The following NRXN3 variants were observed in gnomAD, a reference collection of about 807,000 sequenced individuals.
NRXN3 encodes neurexin III.
In NRXN3, 32 loss-of-function variants were observed where a neutral mutation model predicts 137.6. The ratio of observed to expected loss-of-function variants is 0.23; its 90% CI spans 0.18 to 0.31. The LOEUF is 0.31. NRXN3 is among the 10% of genes least tolerant of loss of function. The pLI is 1.00. For missense variants in NRXN3, 1,574 were observed against 2,062.5 expected, an observed-to-expected ratio of 0.76 and a Z score of 4.59; for synonymous variants, 798 against 784.5, an observed-to-expected ratio of 1.02 and a Z score of -0.29.
At chr14:79,770,935 A>C (rs2099075729) in intron 19 of NRXN3, among the ~76,000 whole-genome samples, 2 of 152,204 alleles carry the variant, frequency 1.3e-5, no homozygotes, top group African/African-American at 4.8e-5. Flanking sequence ...AAAAATGATA[A>C]AGAAGATATC....
intron 15 of NRXN3, among the ~76,000 whole-genome samples, chr14:79,016,283 G>A (rs1311627960): frequency 6.6e-6 from 1 of 152,074 alleles, no homozygotes; most frequent in African/African-American, 2.4e-5. Context: ...TTTGTTTTTG[G>A]TTTGGTTTAG....
At chr14:78,987,895 G>C in intron 14 of NRXN3, 127 bp from the exon 15 acceptor site, 1 of 988,318 alleles carries the variant, frequency 1.0e-6, no homozygotes, top group Non-Finnish European at 1.5e-6. Flanking sequence ...TGACAATTTT[G>C]GTGGTGTGTC....
intron 15 of NRXN3, among the ~76,000 whole-genome samples, chr14:79,309,783 G>C (rs1317134140): frequency 3.4e-5 from 5 of 149,078 alleles, no homozygotes; most frequent in African/African-American, 1.3e-4. Context: ...GGGGTTGTTT[G>C]ATTTTTTCTT....
Position 79,862,162 on chromosome 14 carries a change from C to G in NRXN3, c.*198C>G. 1 of 561,214 alleles carries G rather than the reference C, an allele frequency of 1.8e-6. No homozygotes were observed. Among genetic ancestry groups the G allele is most frequent in the South Asian group, 2.2e-5 (1 of 45,560 alleles). 34.8% of individuals were successfully genotyped at this position (561,214 alleles called of 1,614,324 possible). The stretch of plus-strand genomic sequence containing the variant: ...GATGCATCTCTCTCTAAAGCTCAGC[C>G]ACGGCTGCGGCAAGGTCCCAGCGGT... On this transcript the variant is annotated 3_prime_UTR_variant, in exon 21 of 21. Transcript: ENST00000335750.
chr14:78,655,082 T>C (rs1270491653), intron 6 of NRXN3, among the ~76,000 whole-genome samples: 1 of 152,198 alleles, frequency 6.6e-6, no homozygotes, highest in Non-Finnish European at 1.5e-5. Flanking sequence ...GGAGACATCA[T>C]AGTATAATGA....
intron 4 of NRXN3, among the ~76,000 whole-genome samples, chr14:78,561,929 C>T (rs761440393): frequency 4.6e-5 from 7 of 152,132 alleles, no homozygotes; most frequent in East Asian, 1.9e-4. Flanking sequence ...AACAGTAGTA[C>T]GTTGTGATGG....
chr14:78,574,332 C>T (rs978191289), intron 4 of NRXN3, among the ~76,000 whole-genome samples: 2 of 152,224 alleles, frequency 1.3e-5, no homozygotes, highest in Non-Finnish European at 2.9e-5. Flanking sequence ...CTAGCATCCT[C>T]CAGACTTCAG....
chr14:78,512,014 C>T (rs550912818), intron 4 of NRXN3, among the ~76,000 whole-genome samples: 4 of 152,116 alleles, frequency 2.6e-5, no homozygotes, highest in African/African-American at 4.8e-5. Flanking sequence ...ATGCACAATG[C>T]GTGACACACA....
intron 3 of NRXN3, among the ~76,000 whole-genome samples, chr14:78,287,544 C>G (rs1459535549): frequency 6.6e-6 from 1 of 152,228 alleles, no homozygotes; most frequent in Non-Finnish European, 1.5e-5. Context: ...TTTTGAATCT[C>G]TTCTGTAAGA....
chr14:79,182,571 C>A (rs572893611), intron 15 of NRXN3, among the ~76,000 whole-genome samples: 1 of 152,072 alleles, frequency 6.6e-6, no homozygotes, highest in Admixed American at 6.6e-5. Flanking sequence ...GGCAGTAATG[C>A]GAGGAGTGGG....
chr14:78,850,762 C>T (rs769947270), intron 10 of NRXN3, among the ~76,000 whole-genome samples: 4 of 152,172 alleles, frequency 2.6e-5, no homozygotes, highest in Non-Finnish European at 5.9e-5. Flanking sequence ...GCTTAAACTG[C>T]AGCTTTGGAT....
intron 17 of NRXN3, among the ~76,000 whole-genome samples, chr14:79,679,583 G>T (rs2098658946): frequency 6.6e-6 from 1 of 152,104 alleles, no homozygotes; most frequent in Admixed American, 6.6e-5. Flanking sequence ...AGCACTGAAG[G>T]TATGTCAATG....
intron 4 of NRXN3, among the ~76,000 whole-genome samples, chr14:78,440,527 C>T (rs1195777676): frequency 3.9e-5 from 6 of 152,166 alleles, no homozygotes; most frequent in East Asian, 1.9e-4. Flanking sequence ...TTATCTCACT[C>T]GTGCATAGGT....
Position 78,490,303 on chromosome 14 carries a change from C to T in NRXN3, c.758-154817C>T, listed in dbSNP as rs904291520. Among the ~76,000 whole-genome samples the T allele has an allele frequency of 3.3e-5, 5 of 152,238 alleles. No homozygotes were observed. The East Asian group carries it at 7.7e-4, about 23-fold the overall frequency. The stretch of plus-strand genomic sequence containing the variant: ...TAAGGCTGTTTGACTTTGGACATGA[C>T]GCTAGGCTTAACTGAGCCTCTATTT... On this transcript the variant is annotated intron_variant, in intron 4 of 20. Transcript: ENST00000335750.
chr14:78,773,233 T>C (rs34347332), intron 8 of NRXN3, among the ~76,000 whole-genome samples: 10,651 of 152,260 alleles, frequency 0.07, 496 homozygotes, highest in South Asian at 0.17. Flanking sequence ...TCTATACCAA[T>C]GACAAAACCT....
chr14:78,826,008 T>C (rs975259719), intron 10 of NRXN3, among the ~76,000 whole-genome samples: 2 of 152,180 alleles, frequency 1.3e-5, no homozygotes, highest in Non-Finnish European at 2.9e-5. Flanking sequence ...CATGATGAGA[T>C]ATATGCAGAA....
intron 16 of NRXN3, among the ~76,000 whole-genome samples, chr14:79,493,872 G>T (rs1411811667): frequency 6.6e-6 from 1 of 152,084 alleles, no homozygotes; most frequent in Non-Finnish European, 1.5e-5. Flanking sequence ...CTTTACAAAG[G>T]TTCTGCTGTA....
intron 3 of NRXN3, among the ~76,000 whole-genome samples, chr14:78,292,788 T>C (rs1191154622): frequency 6.6e-6 from 1 of 152,200 alleles, no homozygotes; most frequent in Admixed American, 6.5e-5. Flanking sequence ...GCCCCCGTTT[T>C]AGCCTGTGCC....
At chr14:79,274,299 C>G (rs1301988906) in intron 15 of NRXN3, among the ~76,000 whole-genome samples, 2 of 151,994 alleles carry the variant, frequency 1.3e-5, no homozygotes, top group East Asian at 1.9e-4. Flanking sequence ...GTCCCCATAC[C>G]TATTGCAATG....
Sources: gnomAD v4.1 joint callset for allele counts (sites outside exome capture counted in the v4.1 genomes callset) on GRCh38, gnomAD v4.1.1 for gene constraint, MANE v1.5 for transcripts, NCBI Gene and HGNC (gene_info 2026-07-23, HGNC 2026-07-21) for gene names.